The following IMMP2L variants were observed in gnomAD, a reference collection of about 807,000 sequenced individuals.
IMMP2L encodes the protein inner mitochondrial membrane peptidase subunit 2.
Under a neutral mutation model 19.3 loss-of-function variants are expected in IMMP2L, and 18 were observed. That is an observed-to-expected ratio of 0.93 (90% CI 0.64 to 1.38). The LOEUF (loss-of-function observed/expected upper bound fraction) is 1.38. IMMP2L is among the 40% of genes most tolerant of loss of function. The pLI is 0.00. For missense variants in IMMP2L, 233 were observed against 218.2 expected, an observed-to-expected ratio of 1.07 and a Z score of -0.43; for synonymous variants, 76 against 73.0, an observed-to-expected ratio of 1.04 and a Z score of -0.21.
chr7:111,361,152 C>T (rs1356173718), intron 3 of IMMP2L, among the ~76,000 whole-genome samples: 2 of 151,910 alleles, frequency 1.3e-5, no homozygotes, highest in African/African-American at 4.8e-5. Context: ...TAAATATAGC[C>T]AATTTTCTAT....
chr7:111,037,352 A>G (rs999161985), intron 3 of IMMP2L, among the ~76,000 whole-genome samples: 1 of 152,198 alleles, frequency 6.6e-6, no homozygotes, highest in Admixed American at 6.5e-5. Context: ...ATAAGATATA[A>G]AATCAGAGGA....
chr7:110,900,372 T>C (rs1310610488), intron 4 of IMMP2L, among the ~76,000 whole-genome samples: 1 of 152,064 alleles, frequency 6.6e-6, no homozygotes, highest in African/African-American at 2.4e-5. Flanking sequence ...AAATCCAGGA[T>C]TCAATTTACT....
chr7:111,207,234 C>T (rs1382663021), intron 3 of IMMP2L, among the ~76,000 whole-genome samples: 2 of 152,146 alleles, frequency 1.3e-5, no homozygotes, highest in Admixed American at 1.3e-4. Context: ...TGGAAATAGG[C>T]TGTCTTGGTT....
chr7:111,064,399 C>G (rs1563206184), intron 3 of IMMP2L, among the ~76,000 whole-genome samples: 1 of 152,124 alleles, frequency 6.6e-6, no homozygotes, highest in Non-Finnish European at 1.5e-5. Context: ...TTTGAAGTCA[C>G]AATTACAATG....
intron 3 of IMMP2L, among the ~76,000 whole-genome samples, chr7:111,230,760 C>T (rs933598769): frequency 6.6e-6 from 1 of 151,962 alleles, no homozygotes; most frequent in African/African-American, 2.4e-5. Context: ...GAGCAAGAAA[C>T]AGTAATCAAA....
chr7:111,036,607 AG>A (rs1791382594), intron 3 of IMMP2L, among the ~76,000 whole-genome samples: 1 of 152,178 alleles, frequency 6.6e-6, no homozygotes, highest in Admixed American at 6.5e-5. Context: ...GCCAAAAAAA[AG>A]TCTCAAAACT....
chr7:110,668,106 T>G (rs907140915), intron 5 of IMMP2L, among the ~76,000 whole-genome samples: 4 of 149,920 alleles, frequency 2.7e-5, no homozygotes, highest in African/African-American at 7.3e-5. Context: ...GAAGTCTGTG[T>G]TTTTTTTTTA....
chr7:111,297,532 A>G (rs2129876455), intron 3 of IMMP2L, among the ~76,000 whole-genome samples: 1 of 152,308 alleles, frequency 6.6e-6, no homozygotes, highest in Admixed American at 6.5e-5. Context: ...TTATATACTT[A>G]TCACAAGACT....
At chr7:111,023,745 TCAAA>T (rs1473926828) in intron 3 of IMMP2L, among the ~76,000 whole-genome samples, 3 of 152,088 alleles carry the variant, frequency 2.0e-5, no homozygotes, top group Non-Finnish European at 2.9e-5. Context: ...GTAAGTTTAT[TCAAA>T]TTATGGATTC....
intron 3 of IMMP2L, among the ~76,000 whole-genome samples, chr7:111,333,874 T>C (rs1241717049): frequency 6.6e-6 from 1 of 152,106 alleles, no homozygotes; most frequent in Non-Finnish European, 1.5e-5. Context: ...GACCTCACCT[T>C]GTGATCATGT....
At chr7:110,807,039 A>G (rs2131249251) in intron 5 of IMMP2L, among the ~76,000 whole-genome samples, 1 of 152,066 alleles carries the variant, frequency 6.6e-6, no homozygotes, top group Admixed American at 6.6e-5. Context: ...AATCTATGCT[A>G]AGTAGTCAGT....
chr7:111,101,970 A>G lies in IMMP2L; in HGVS notation c.240-138405T>C, dbSNP rs543321163. On this transcript the variant is annotated intron_variant, in intron 3 of 5. Transcript: ENST00000405709. The stretch of plus-strand genomic sequence containing the variant: ...AACTCTTCTGCCCACATGTTCATGA[A>G]CTCTAATTTTCATACACTATATCTC... Among the ~76,000 whole-genome samples, 4 of 151,454 alleles carry G rather than the reference A, an allele frequency of 2.6e-5. No homozygotes were observed. In the East Asian group the frequency reaches 7.8e-4, roughly 30 times the overall value.
chr7:111,534,175 C>T (rs1386295871), intron 1 of IMMP2L, among the ~76,000 whole-genome samples: 1 of 152,036 alleles, frequency 6.6e-6, no homozygotes, highest in African/African-American at 2.4e-5. Flanking sequence ...AGAAACACCA[C>T]TCCAGGAATT....
chr7:111,048,710 T>G (rs1316490164), intron 3 of IMMP2L, among the ~76,000 whole-genome samples: 1 of 152,194 alleles, frequency 6.6e-6, no homozygotes, highest in Non-Finnish European at 1.5e-5. Flanking sequence ...ACGTGAACTC[T>G]GAGGAATATT....
intron 3 of IMMP2L, among the ~76,000 whole-genome samples, chr7:111,199,518 A>T (rs184656788): frequency 6.6e-6 from 1 of 152,302 alleles, no homozygotes; most frequent in Admixed American, 6.5e-5. Context: ...TGAATAGAAA[A>T]AGAAAAGCCA....
chr7:110,850,080 G>A (rs1320430702), intron 5 of IMMP2L, among the ~76,000 whole-genome samples: 1 of 151,886 alleles, frequency 6.6e-6, no homozygotes, highest in Non-Finnish European at 1.5e-5. Context: ...GAAATTCAAA[G>A]AGAATCAGTG....
intron 3 of IMMP2L, among the ~76,000 whole-genome samples, chr7:111,275,606 T>C (rs1447544391): frequency 1.3e-5 from 2 of 152,140 alleles, no homozygotes; most frequent in Non-Finnish European, 2.9e-5. Flanking sequence ...CACAATTAAG[T>C]TTTAACATAC....
intron 3 of IMMP2L, among the ~76,000 whole-genome samples, chr7:111,400,969 GA>G (rs536709704): frequency 5.3e-5 from 8 of 152,104 alleles, no homozygotes; most frequent in African/African-American, 1.9e-4. Context: ...TTCTGGTGAG[GA>G]AAGGTTTATT....
intron 5 of IMMP2L, among the ~76,000 whole-genome samples, chr7:110,780,703 A>G (rs1799679800): frequency 2.0e-5 from 3 of 151,858 alleles, no homozygotes; most frequent in Non-Finnish European, 4.4e-5. Context: ...TTAAAAAAAA[A>G]TCTAGAAGTC....
Sources: allele counts gnomAD v4.1 joint callset (sites outside exome capture counted in the v4.1 genomes callset), GRCh38; gene constraint gnomAD v4.1.1; transcripts MANE v1.5; gene names NCBI Gene and HGNC (gene_info 2026-07-23, HGNC 2026-07-21).